The following CCDC42 variants were observed in gnomAD, a reference collection of about 807,000 sequenced individuals.
CCDC42 encodes the protein coiled-coil domain-containing protein 42.
In CCDC42, 38 loss-of-function variants were observed where a neutral mutation model predicts 40.8. That is an observed-to-expected ratio of 0.93 (90% CI 0.72 to 1.22). The LOEUF (loss-of-function observed/expected upper bound fraction) is 1.22. Among genes scored for constraint, CCDC42 ranks in the 50% most tolerant of loss-of-function variants. The pLI is 0.00. For synonymous variants in CCDC42, 135 were observed against 157.5 expected, an observed-to-expected ratio of 0.86 and a Z score of 1.07; for missense variants, 379 against 416.5, an observed-to-expected ratio of 0.91 and a Z score of 0.78.
At chr17:8,741,416 G>A in intron 4 of CCDC42, 58 bp downstream of exon 4, 1 of 1,532,410 alleles carries the variant, frequency 6.5e-7, no homozygotes, top group Non-Finnish European at 9.0e-7. Flanking sequence ...AGGCCCCGGG[G>A]AAGAGAGGTG....
intron 3 of CCDC42, among the ~76,000 whole-genome samples, chr17:8,742,780 G>T (rs1291151361): frequency 1.3e-5 from 2 of 152,214 alleles, no homozygotes. Flanking sequence ...CGTGCTGAAA[G>T]CAACAAGGGA....
chr17:8,737,856 T>C (rs1276853779), intron 4 of CCDC42, among the ~76,000 whole-genome samples: 1 of 152,226 alleles, frequency 6.6e-6, no homozygotes, highest in Non-Finnish European at 1.5e-5. Flanking sequence ...CACTCTATTG[T>C]TCAGGCTGGA....
In CCDC42 at chr17:8,729,993, G is replaced by A. The variant is rs1173890730; in HGVS notation, c.*137C>T. On this transcript the variant is annotated 3_prime_UTR_variant, in exon 7 of 7. Transcript: ENST00000293845. Reference sequence around the variant, plus strand: ...TTTTCAGGGATAGAGTGAGGCCCACGGGGGAAAATAAGCAGGTGTCCCTCA... The same window carrying A: ...TTTTCAGGGATAGAGTGAGGCCCACAGGGGAAAATAAGCAGGTGTCCCTCA... 1.2e-5 allele frequency: 9 copies of A among 726,916 alleles called. No homozygotes were observed. The highest frequency in any genetic ancestry group is 2.1e-5 in the Admixed American group (1 of 47,618). 45.0% of individuals were successfully genotyped at this position (726,916 alleles called of 1,614,324 possible).
intron 4 of CCDC42, 112 bp downstream of exon 4, chr17:8,741,362 C>T (rs1821649816): frequency 9.1e-7 from 1 of 1,097,488 alleles, no homozygotes; most frequent in Non-Finnish European, 1.4e-6. Flanking sequence ...CCAGAGGGTC[C>T]ACAGTCCCCA....
chr17:8,736,303 T>C (rs2086611135), intron 4 of CCDC42, among the ~76,000 whole-genome samples: 1 of 152,198 alleles, frequency 6.6e-6, no homozygotes, highest in Admixed American at 6.5e-5. Context: ...GTTGGTGATC[T>C]CTGGTATTTG....
In CCDC42 at chr17:8,735,835, C is replaced by A. The variant is rs1014894179; in HGVS notation, c.493-224G>T. Among the ~76,000 whole-genome samples the A allele has an allele frequency of 2.0e-5, 3 of 152,194 alleles. No homozygotes were observed. The highest frequency in any genetic ancestry group is 4.8e-5 in the African/African-American group (2 of 41,448). On this transcript the variant is annotated intron_variant, in intron 4 of 6. Transcript: ENST00000293845. The surrounding 1 kb of genome is among the most constrained non-coding windows in gnomAD (Gnocchi z 4.7). ...TCCATTTGTTGGGCAGGGGGATGCA[C>A]AACTGGGCTAGGGATTTTCGACTTT...
At chr17:8,739,842 C>T (rs1244123708) in intron 4 of CCDC42, among the ~76,000 whole-genome samples, 1 of 152,116 alleles carries the variant, frequency 6.6e-6, no homozygotes, top group Admixed American at 6.5e-5. Flanking sequence ...CGTACCTGGC[C>T]ACATCTTGTA....
chr17:8,734,351 T>C (rs2086597513), intron 6 of CCDC42, among the ~76,000 whole-genome samples: 1 of 152,236 alleles, frequency 6.6e-6, no homozygotes, highest in African/African-American at 2.4e-5. Context: ...AATTGCTACT[T>C]CCAGAACACA....
intron 4 of CCDC42, among the ~76,000 whole-genome samples, chr17:8,736,636 T>C (rs1175934160): frequency 1.3e-5 from 2 of 152,166 alleles, no homozygotes; most frequent in East Asian, 3.9e-4. Context: ...CCTGCTGGCC[T>C]TTCCCCAAAT....
chr17:8,730,049 GCTGGACTGA>G lies in CCDC42; in HGVS notation c.*72_*80del. 1 of 1,316,844 alleles carries G rather than the reference GCTGGACTGA, an allele frequency of 7.6e-7. No homozygotes were observed. Among genetic ancestry groups the G allele is most frequent in the South Asian group, 1.2e-5 (1 of 82,882 alleles). 81.6% of individuals were successfully genotyped at this position (1,316,844 alleles called of 1,614,324 possible). On this transcript the variant is annotated 3_prime_UTR_variant, in exon 7 of 7. Transcript: ENST00000293845. ...AAGGCACAGCAGGCATCGGTCCCGA[GCTGGACTGA>G]CTGGACCGCAGGCTCACGACTTCTT...
intron 2 of CCDC42, 74 bp from the exon 3 acceptor site, chr17:8,743,804 C>T: frequency 1.1e-6 from 1 of 914,462 alleles, no homozygotes; most frequent in Non-Finnish European, 1.8e-6. Context: ...ACCCCAGCAT[C>T]CCTGCCCCAG....
intron 4 of CCDC42, among the ~76,000 whole-genome samples, chr17:8,738,620 C>T (rs984998582): frequency 6.6e-6 from 1 of 152,098 alleles, no homozygotes; most frequent in African/African-American, 2.4e-5. Flanking sequence ...CACCCGCCAT[C>T]ACGCCCAGCT....
chr17:8,740,784 G>A (rs1258416575), intron 4 of CCDC42, among the ~76,000 whole-genome samples: 1 of 152,138 alleles, frequency 6.6e-6, no homozygotes, highest in African/African-American at 2.4e-5. Context: ...GCCCACTGAG[G>A]AGTGGCTAAA....
At chr17:8,732,859 C>T (rs184623759) in intron 6 of CCDC42, among the ~76,000 whole-genome samples, 3 of 152,310 alleles carry the variant, frequency 2.0e-5, no homozygotes, top group Admixed American at 2.0e-4. Context: ...CCAAACCTTC[C>T]ATGACACACT....
chr17:8,740,718 C>G (rs1397665289), intron 4 of CCDC42, among the ~76,000 whole-genome samples: 1 of 152,042 alleles, frequency 6.6e-6, no homozygotes, highest in Non-Finnish European at 1.5e-5. Flanking sequence ...CCAAGAAGTT[C>G]CCTGGGCTCC....
At chr17:8,740,324 C>T (rs1690050141) in intron 4 of CCDC42, among the ~76,000 whole-genome samples, 2 of 151,970 alleles carry the variant, frequency 1.3e-5, no homozygotes, top group South Asian at 2.1e-4. Context: ...CCCATCTCTA[C>T]TAAAAATACA....
chr17:8,739,157 G>T (rs144431164), intron 4 of CCDC42, among the ~76,000 whole-genome samples: 1 of 152,262 alleles, frequency 6.6e-6, no homozygotes, highest in Non-Finnish European at 1.5e-5. Flanking sequence ...GGCTGGCCAG[G>T]AACGACGCCA....
In CCDC42 at chr17:8,735,881, T is replaced by C. The variant is rs1244290991; in HGVS notation, c.493-270A>G. On this transcript the variant is annotated intron_variant, in intron 4 of 6. Coordinates refer to ENST00000293845, the MANE Select transcript of CCDC42 (RefSeq NM_144681.3). The surrounding 1 kb of genome is among the most constrained non-coding windows in gnomAD (Gnocchi z 4.7). Reference sequence around the variant, plus strand: ...ACTTTAACTGCATGTGAGAATCACCTGTAGGGGCTTTAAAAAGGACACCTG... The same window carrying C: ...ACTTTAACTGCATGTGAGAATCACCCGTAGGGGCTTTAAAAAGGACACCTG... 6.6e-6 allele frequency among the ~76,000 whole-genome samples: 1 copy of C among 152,198 alleles called. No homozygotes were observed. Among genetic ancestry groups the C allele is most frequent in the East Asian group, 1.9e-4 (1 of 5,188 alleles).
At chr17:8,737,938 C>T (rs1377996423) in intron 4 of CCDC42, among the ~76,000 whole-genome samples, 1 of 152,204 alleles carries the variant, frequency 6.6e-6, no homozygotes, top group East Asian at 1.9e-4. Context: ...GCCTCAGCCT[C>T]CCAAGTAGAT....
Sources: allele counts gnomAD v4.1 joint callset (sites outside exome capture counted in the v4.1 genomes callset), GRCh38; gene constraint gnomAD v4.1.1; non-coding constraint Gnocchi (gnomAD v3.1); transcripts MANE v1.5; gene names NCBI Gene and HGNC (gene_info 2026-07-23, HGNC 2026-07-21).